Variants in GATAD2A observed in about 807,000 individuals in gnomAD.
GATAD2A encodes GATA zinc finger domain containing 2A.
A neutral mutation model predicts 68.5 loss-of-function variants in GATAD2A; 12 were observed. The observed-to-expected ratio is 0.18, with a 90% CI of 0.11 to 0.28. The LOEUF is 0.28. Among genes scored for constraint, GATAD2A ranks in the 10% least tolerant of loss-of-function variants. The pLI is 1.00. For synonymous variants in GATAD2A, 410 were observed against 375.3 expected (o/e 1.09, Z -1.07); for missense variants, 755 against 868.5 (o/e 0.87, Z 1.64).
chr19:19,484,532 CTTTTTTTTTTT>C (rs897099165), intron 2 of GATAD2A, among the ~76,000 whole-genome samples: 1 of 86,958 alleles, frequency 1.1e-5, no homozygotes, highest in Non-Finnish European at 2.2e-5. Context: ...TTTTTTTTTT[CTTTTTTTTTTT>C]TTTTTTTGAG....
At chr19:19,505,283 G>T (rs1196868154) in intron 11 of GATAD2A, 61 bp from the exon 12 acceptor site, 4 of 1,562,370 alleles carry the variant, frequency 2.6e-6, no homozygotes, top group Non-Finnish European at 3.5e-6. Flanking sequence ...CTATGGCTGG[G>T]CTCCTCCCAG....
At chr19:19,404,697 A>T (rs186570184), upstream of GATAD2A, among the ~76,000 whole-genome samples, 1 of 152,270 alleles carries the variant, frequency 6.6e-6, no homozygotes, top group East Asian at 1.9e-4. Flanking sequence ...AAAAAGAAAA[A>T]AGAAAACAGT....
At chr19:19,447,640 C>T (rs1293819892) in intron 1 of GATAD2A, among the ~76,000 whole-genome samples, 2 of 152,204 alleles carry the variant, frequency 1.3e-5, no homozygotes, top group Non-Finnish European at 2.9e-5. Context: ...GCTGGGGCTG[C>T]GTTGAGAGCA....
intron 1 of GATAD2A, among the ~76,000 whole-genome samples, chr19:19,433,676 A>G (rs1355896346): frequency 6.6e-6 from 1 of 152,214 alleles, no homozygotes; most frequent in African/African-American, 2.4e-5. Flanking sequence ...AACATCTTTT[A>G]AACATGTTCA....
chr19:19,397,275 T>C (rs1207617097), intron 1 of GATAD2A, among the ~76,000 whole-genome samples: 1 of 151,444 alleles, frequency 6.6e-6, no homozygotes, highest in Non-Finnish European at 1.5e-5. Flanking sequence ...GGAGTTTCGC[T>C]CTTGTTGCCC....
intron 2 of GATAD2A, among the ~76,000 whole-genome samples, chr19:19,490,292 T>C (rs577859611): frequency 1.7e-3 from 259 of 152,226 alleles, no homozygotes; most frequent in African/African-American, 6.2e-3. Context: ...GAGTCCAGCA[T>C]CTGGCGAGTC....
intron 1 of GATAD2A, among the ~76,000 whole-genome samples, chr19:19,390,011 G>T (rs1358451455): frequency 1.3e-5 from 2 of 152,084 alleles, no homozygotes; most frequent in African/African-American, 4.8e-5. Flanking sequence ...TGATCTGCCC[G>T]CCTCAGCCTC....
intron 1 of GATAD2A, among the ~76,000 whole-genome samples, chr19:19,459,583 T>C (rs1431719188): frequency 6.6e-6 from 1 of 152,178 alleles, no homozygotes; most frequent in African/African-American, 2.4e-5. Context: ...GGGTTGACTG[T>C]TTAGAATTTG....
chr19:19,439,887 CAT>C (rs1491567325), intron 1 of GATAD2A, among the ~76,000 whole-genome samples: 6 of 152,244 alleles, frequency 3.9e-5, no homozygotes, highest in African/African-American at 9.6e-5. Flanking sequence ...AGCAAAAAGA[CAT>C]GTGTTTACTC....
Position 19,495,760 on chromosome 19 carries a change from TCAG to T in GATAD2A, c.633_635del (p.Ala212del). 6.2e-7 allele frequency: 1 copy of T among 1,610,222 alleles called. No homozygotes were observed. The highest frequency in any genetic ancestry group is 8.5e-7 in the Non-Finnish European group (1 of 1,177,094). On this transcript the variant is annotated inframe_deletion, in exon 6 of 12. Coordinates refer to ENST00000683918, the MANE Select transcript of GATAD2A (RefSeq NM_001384528.1). ...GTCTTGGTATCGTTGGCAGACCTCT[TCAG>T]CTCGGATGCCCGGCAGTGTCATACC...
intron 1 of GATAD2A, chr19:19,435,089 C>T (rs1443609602): frequency 1.9e-6 from 1 of 532,926 alleles, no homozygotes; most frequent in East Asian, 5.5e-5. Context: ...TCCTGAAGAT[C>T]AGACACATCA....
At chr19:19,455,103 C>T (rs1319117718) in intron 1 of GATAD2A, among the ~76,000 whole-genome samples, 1 of 152,164 alleles carries the variant, frequency 6.6e-6, no homozygotes, top group Non-Finnish European at 1.5e-5. Context: ...GCTTGTAATT[C>T]TAGCTACTTG....
At chr19:19,410,743 C>T (rs972185466) in intron 1 of GATAD2A, among the ~76,000 whole-genome samples, 7 of 152,226 alleles carry the variant, frequency 4.6e-5, no homozygotes, top group Non-Finnish European at 1.0e-4. Context: ...AGCAGCCTGT[C>T]TCTAGTGGCA....
intron 1 of GATAD2A, among the ~76,000 whole-genome samples, chr19:19,438,179 G>A (rs1342960356): frequency 3.3e-5 from 5 of 152,218 alleles, no homozygotes; most frequent in African/African-American, 9.6e-5. Context: ...GGGATGTCAG[G>A]CATTGACAGA....
At chr19:19,502,137 C>T in intron 10 of GATAD2A, 94 bp downstream of exon 10, 4 of 998,344 alleles carry the variant, frequency 4.0e-6, no homozygotes, top group Non-Finnish European at 6.2e-6. Flanking sequence ...TTCTGTCTGT[C>T]TCTCCCTGTT....
At chr19:19,443,723 A>G (rs1024100945) in intron 1 of GATAD2A, among the ~76,000 whole-genome samples, 1 of 152,072 alleles carries the variant, frequency 6.6e-6, no homozygotes, top group East Asian at 1.9e-4. Flanking sequence ...TTCCTTAAAG[A>G]AAAGTGTGAA....
rs541392938 is a variant in GATAD2A, at chr19:19,448,522, T to C, written c.-6-16818T>C. Among the ~76,000 whole-genome samples the C allele has an allele frequency of 1.1e-4, 17 of 152,350 alleles. No individual in the cohort carries two copies. The South Asian group carries it at 3.5e-3, about 32-fold the overall frequency. On this transcript the variant is annotated intron_variant, in intron 1 of 11. Coordinates refer to ENST00000683918, the MANE Select transcript of GATAD2A (RefSeq NM_001384528.1). ...TTGTGTTTTTGAGACGGAGTCTCTCTCTGTCTCCCAGGCTGGAGTGCAGTG... is the reference window on the plus strand; with the variant it reads ...TTGTGTTTTTGAGACGGAGTCTCTCCCTGTCTCCCAGGCTGGAGTGCAGTG...
At chr19:19,458,180 C>G (rs915427674) in intron 1 of GATAD2A, among the ~76,000 whole-genome samples, 8 of 152,214 alleles carry the variant, frequency 5.3e-5, no homozygotes. Flanking sequence ...CATCTGTTCT[C>G]CTTTTGAGAA....
rs1314151346 is a variant in GATAD2A at position 19,495,768 on chromosome 19, G to A, written c.639G>A (p.Arg213=). 6.2e-7 allele frequency: 1 copy of A among 1,611,476 alleles called. No homozygotes were observed. The highest frequency in any genetic ancestry group is 8.5e-7 in the Non-Finnish European group (1 of 1,178,034). The part of the protein sequence containing the change: ...GKPSLQTSSA[R]MPGSVIPPPL... ...ATCGTTGGCAGACCTCTTCAGCTCG[G>A]ATGCCCGGCAGTGTCATACCCCCGC... Residue 213 remains arginine, a synonymous_variant, in exon 6 of 12, where the codon CGG becomes CGA. Transcript: ENST00000683918.
Sources: allele counts gnomAD v4.1 joint callset (sites outside exome capture counted in the v4.1 genomes callset), GRCh38; gene constraint gnomAD v4.1.1; transcripts MANE v1.5; gene names NCBI Gene and HGNC (gene_info 2026-07-23, HGNC 2026-07-21).